CDH2: variants seen among roughly 807,000 people sequenced by gnomAD.
CDH2 encodes cadherin-2.
In CDH2, 17 loss-of-function variants were observed where a neutral mutation model predicts 92.0. The observed-to-expected ratio is 0.18, with a 90% CI of 0.13 to 0.28. The LOEUF (loss-of-function observed/expected upper bound fraction) is 0.28, where lower values mean the gene tolerates loss of function less well. Among genes scored for constraint, CDH2 ranks in the 10% least tolerant of loss-of-function variants. The pLI, the probability that CDH2 is intolerant of heterozygous loss-of-function variation, is 1.00. For missense variants in CDH2, 862 were observed against 1,133.1 expected (o/e 0.76, Z 3.44); for synonymous variants, 419 against 415.9 (o/e 1.01, Z -0.09).
intron 2 of CDH2, among the ~76,000 whole-genome samples, chr18:28,138,179 C>T (rs565786270): frequency 6.6e-6 from 1 of 151,764 alleles, no homozygotes; most frequent in African/African-American, 2.4e-5. Flanking sequence ...AGGGCCATTA[C>T]GTGATTGGGT....
At chr18:28,173,368 ACT>A (rs2016492114) in intron 1 of CDH2, among the ~76,000 whole-genome samples, 2 of 152,134 alleles carry the variant, frequency 1.3e-5, no homozygotes, top group African/African-American at 4.8e-5. Flanking sequence ...TAGTAAGTAA[ACT>A]CTGAACACCA....
intron 2 of CDH2, among the ~76,000 whole-genome samples, chr18:28,124,406 C>A (rs2015640794): frequency 6.6e-6 from 1 of 152,160 alleles, no homozygotes; most frequent in South Asian, 2.1e-4. Context: ...AACCACACCC[C>A]TTTATCCTGG....
rs1163076906 is a variant in CDH2, at chr18:28,045,488, T to A, written c.173-31579A>T. ...AATTCTCTCATCATGGTCTTGTAAA[T>A]GAACTTCATTTCCATTGTATTCAAT... On this transcript the variant is annotated intron_variant, in intron 2 of 15. Transcript: ENST00000269141. The A allele has an allele frequency of 6.5e-6, 3 of 460,708 alleles. No individual in the cohort carries two copies. In the Admixed American group the frequency reaches 7.3e-5, roughly 11 times the overall value. 28.5% of individuals were successfully genotyped at this position (460,708 alleles called of 1,614,324 possible).
At chr18:27,936,546 C>T (rs1042730186) in intron 6 of CDH2, among the ~76,000 whole-genome samples, 2 of 151,648 alleles carry the variant, frequency 1.3e-5, no homozygotes, top group Non-Finnish European at 2.9e-5. Context: ...TTTGTTTTCT[C>T]CAAGACAGAA....
chr18:28,172,770 A>G (rs1011509631), intron 1 of CDH2, among the ~76,000 whole-genome samples: 1 of 152,164 alleles, frequency 6.6e-6, no homozygotes, highest in Non-Finnish European at 1.5e-5. Flanking sequence ...ACAAATCTGA[A>G]TGTTAACCTG....
Position 28,112,265 on chromosome 18 carries a change from G to A in CDH2, c.172+35408C>T, listed in dbSNP as rs143103539. The stretch of plus-strand genomic sequence containing the variant: ...GGTTTGTTTCATATTTTAGCTCCAC[G>A]GTCACAGGCAAATTCACTGAACCAA... On this transcript the variant is annotated intron_variant, in intron 2 of 15. Transcript: ENST00000269141. Among the ~76,000 whole-genome samples the A allele has an allele frequency of 7.4e-3, 1,132 of 152,208 alleles. 35 individuals carry two copies. Among genetic ancestry groups the A allele is most frequent in the Admixed American group, 0.055 (846 of 15,278 alleles).
At chr18:28,092,014 G>A (rs1045355098) in intron 2 of CDH2, among the ~76,000 whole-genome samples, 4 of 151,738 alleles carry the variant, frequency 2.6e-5, no homozygotes, top group African/African-American at 7.3e-5. Context: ...TTTCCTCTGG[G>A]TATGCCTGTG....
intron 5 of CDH2, among the ~76,000 whole-genome samples, chr18:28,007,424 T>C (rs2012969870): frequency 6.6e-6 from 1 of 151,788 alleles, no homozygotes; most frequent in East Asian, 1.9e-4. Flanking sequence ...GTTTTCATGT[T>C]AAGTCTGATG....
intron 2 of CDH2, among the ~76,000 whole-genome samples, chr18:28,068,533 T>C (rs1422327956): frequency 6.6e-6 from 1 of 152,170 alleles, no homozygotes; most frequent in Non-Finnish European, 1.5e-5. Flanking sequence ...AAATTAAAAA[T>C]AAACTGAATT....
chr18:28,164,779 C>A (rs1046115714), intron 1 of CDH2, among the ~76,000 whole-genome samples: 1 of 152,114 alleles, frequency 6.6e-6, no homozygotes, highest in Non-Finnish European at 1.5e-5. Context: ...CAGAAAAGCT[C>A]CTATCTGATA....
intron 2 of CDH2, among the ~76,000 whole-genome samples, chr18:28,024,457 A>C (rs2013496408): frequency 6.7e-6 from 1 of 149,832 alleles, no homozygotes; most frequent in African/African-American, 2.4e-5. Context: ...AAATAATATA[A>C]AGTAAGTATA....
chr18:27,995,178 G>A (rs1158539997), intron 7 of CDH2, among the ~76,000 whole-genome samples: 2 of 151,876 alleles, frequency 1.3e-5, no homozygotes, highest in African/African-American at 4.8e-5. Flanking sequence ...GCCAGGCGTG[G>A]TGGTGGGCGC....
intron 7 of CDH2, among the ~76,000 whole-genome samples, chr18:27,994,392 AG>A (rs1297762366): frequency 6.6e-6 from 1 of 152,224 alleles, no homozygotes; most frequent in East Asian, 1.9e-4. Flanking sequence ...ATTATTAGAC[AG>A]GCATCCACTA....
At chr18:28,042,128 C>G (rs1478660507) in intron 2 of CDH2, among the ~76,000 whole-genome samples, 2 of 152,026 alleles carry the variant, frequency 1.3e-5, no homozygotes, top group Non-Finnish European at 2.9e-5. Context: ...TTCTATTTTA[C>G]TAGTACATTC....
At chr18:27,944,722 C>T (rs935483959) in intron 6 of CDH2, among the ~76,000 whole-genome samples, 19 of 145,356 alleles carry the variant, frequency 1.3e-4, no homozygotes, top group Admixed American at 5.6e-4. Context: ...GAGTTCAAGA[C>T]CAGCTTTGGC....
intron 5 of CDH2, among the ~76,000 whole-genome samples, chr18:28,007,165 A>AAATATATAT (rs1172779200): frequency 9.0e-6 from 1 of 110,500 alleles, no homozygotes; most frequent in African/African-American, 4.4e-5. Flanking sequence ...ATAAAAAAAA[A>AAATATATAT]ATATATATAT....
Position 28,156,985 on chromosome 18 carries a change from G to C in CDH2, c.61-9201C>G, listed in dbSNP as rs1013567507. 1.8e-4 allele frequency among the ~76,000 whole-genome samples: 27 copies of C among 152,194 alleles called. 1 individual carries two copies. Among genetic ancestry groups the C allele is most frequent in the Admixed American group, 1.7e-3 (26 of 15,276 alleles). On this transcript the variant is annotated intron_variant, in intron 1 of 15. Coordinates refer to ENST00000269141, the MANE Select transcript of CDH2 (RefSeq NM_001792.5). Reference sequence around the variant, plus strand: ...GCTTCCTAGGCTTCCAGGCTTCCTTGAGTAGAGTCTCAAAAGATAGACAGG... The same window carrying C: ...GCTTCCTAGGCTTCCAGGCTTCCTTCAGTAGAGTCTCAAAAGATAGACAGG...
intron 15 of CDH2, among the ~76,000 whole-genome samples, chr18:27,960,616 A>G (rs2011376400): frequency 6.6e-6 from 1 of 152,210 alleles, no homozygotes; most frequent in African/African-American, 2.4e-5. Context: ...ACACACAAAG[A>G]GAATCGATGT....
At chr18:27,956,742 A>C (rs1348235152) in intron 15 of CDH2, among the ~76,000 whole-genome samples, 1 of 152,326 alleles carries the variant, frequency 6.6e-6, no homozygotes, top group Non-Finnish European at 1.5e-5. Flanking sequence ...AGTTCCCCCG[A>C]CAATGGGCAA....
Sources: allele counts gnomAD v4.1 joint callset (sites outside exome capture counted in the v4.1 genomes callset), GRCh38; gene constraint gnomAD v4.1.1; transcripts MANE v1.5; gene names NCBI Gene and HGNC (gene_info 2026-07-23, HGNC 2026-07-21).